The following DST variants were observed in gnomAD, a reference collection of about 807,000 sequenced individuals.
DST encodes the protein dystonin, also known as bullous pemphigoid antigen.
In DST, 253 loss-of-function variants were observed where a neutral mutation model predicts 875.2. The ratio of observed to expected loss-of-function variants is 0.29; its 90% CI spans 0.26 to 0.32. The LOEUF (loss-of-function observed/expected upper bound fraction) is 0.32. Among genes scored for constraint, DST ranks in the 10% least tolerant of loss-of-function variants. The pLI is 1.00. For synonymous variants in DST, 3,124 were observed against 3,197.1 expected (o/e 0.98, Z 0.77); for missense variants, 8,287 against 9,111.6 (o/e 0.91, Z 3.68).
intron 102 of DST, among the ~76,000 whole-genome samples, chr6:56,462,374 TA>T (rs147169486): frequency 0.017 from 2,606 of 152,242 alleles, 31 homozygotes; most frequent in Non-Finnish European, 0.024. Flanking sequence ...CATGCCGTAT[TA>T]AAAAGTTAGA....
intron 5 of DST, among the ~76,000 whole-genome samples, chr6:56,722,432 G>T (rs149168973): frequency 0.015 from 2,320 of 152,182 alleles, 56 homozygotes; most frequent in African/African-American, 0.053. Context: ...CACCCAGGCT[G>T]GAGTGCAGTG....
chr6:56,796,285 G>A (rs955160109), intron 4 of DST, among the ~76,000 whole-genome samples: 11 of 152,320 alleles, frequency 7.2e-5, no homozygotes, highest in African/African-American at 2.6e-4. Context: ...GGAAAGTCAT[G>A]CAAGAAAGAA....
At chr6:56,562,070 TA>T in intron 56 of DST, 67 bp downstream of exon 56, 2 of 1,035,822 alleles carry the variant, frequency 1.9e-6, no homozygotes, top group South Asian at 1.8e-5. Context: ...TGTTTGCCTC[TA>T]AGATTTTCTC....
intron 98 of DST, 47 bp downstream of exon 98, chr6:56,468,935 A>G (rs928688021): frequency 7.2e-7 from 1 of 1,381,302 alleles, no homozygotes; most frequent in Non-Finnish European, 9.9e-7. Flanking sequence ...AATTAAAGTT[A>G]AAAAAAAATC....
chr6:56,746,282 G>C (rs1231223201), intron 4 of DST, among the ~76,000 whole-genome samples: 1 of 152,068 alleles, frequency 6.6e-6, no homozygotes, highest in Non-Finnish European at 1.5e-5. Flanking sequence ...CACCTCACTC[G>C]GCCACAAAGA....
chr6:56,527,665 A>G lies in DST; in HGVS notation c.17750T>C (p.Leu5917Pro). The change falls in exon 68 of 104, where the codon CTG (leucine) becomes CCG (proline). Residue 5917 changes from leucine to proline, a missense_variant. Around this residue, in one of 10 missense-constraint regions of DST, gnomAD observed 777 missense variants for 764.8 expected, o/e 1.02. Coordinates refer to ENST00000680361, the MANE Select transcript of DST (RefSeq NM_001374736.1). ...CAGAGTCTTGGCCACATCAGTGCTCAGTTTAGTAATGTCTTTGTACCTTGC... is the reference window on the plus strand; with the variant it reads ...CAGAGTCTTGGCCACATCAGTGCTCGGTTTAGTAATGTCTTTGTACCTTGC... ...IKARYKDITK[L>P]STDVAKTLEQ... The G allele has an allele frequency of 2.5e-6, 4 of 1,613,774 alleles. No individual in the cohort carries two copies. The highest frequency in any genetic ancestry group is 3.4e-6 in the Non-Finnish European group (4 of 1,179,818).
chr6:56,563,771 G>A (rs1323617242), intron 55 of DST, among the ~76,000 whole-genome samples: 2 of 152,098 alleles, frequency 1.3e-5, no homozygotes, highest in African/African-American at 4.8e-5. Context: ...GTGTAAGGAA[G>A]GGGTCCAGTT....
intron 3 of DST, among the ~76,000 whole-genome samples, chr6:56,866,736 C>G (rs1774316492): frequency 6.6e-6 from 1 of 152,266 alleles, no homozygotes; most frequent in East Asian, 1.9e-4. Flanking sequence ...TCTCCTCCAC[C>G]AGAAAGTAAG....
At chr6:56,760,641 T>C (rs1275962376) in intron 4 of DST, among the ~76,000 whole-genome samples, 1 of 152,212 alleles carries the variant, frequency 6.6e-6, no homozygotes, top group African/African-American at 2.4e-5. Flanking sequence ...TGGCTGAAAA[T>C]GCATCCTTGA....
In DST at chr6:56,561,873, T is replaced by C. The variant is rs1358381840; in HGVS notation, c.14068+265A>G. ...TTAGGTCAAATAACGTTATCCCAAG[T>C]GACAAAATATCTCAAATTAACCAAA... On this transcript the variant is annotated intron_variant, in intron 56 of 103. Coordinates refer to ENST00000680361, the MANE Select transcript of DST (RefSeq NM_001374736.1). Among the ~76,000 whole-genome samples, 4 of 152,102 alleles carry C rather than the reference T, an allele frequency of 2.6e-5. No individual in the cohort carries two copies. The East Asian group carries it at 7.7e-4, about 29-fold the overall frequency.
chr6:56,648,832 C>A (rs2098958902), intron 12 of DST, 143 bp from the exon 13 acceptor site: 1 of 709,284 alleles, frequency 1.4e-6, no homozygotes, highest in African/African-American at 1.8e-5. Context: ...CTTACTTTCA[C>A]CCAGCCCCAA....
At chr6:56,800,877 A>G (rs2099745840) in intron 4 of DST, among the ~76,000 whole-genome samples, 1 of 151,908 alleles carries the variant, frequency 6.6e-6, no homozygotes, top group African/African-American at 2.4e-5. Flanking sequence ...AAAATTAGCC[A>G]GGCATGGTGG....
At chr6:56,476,713 T>C (rs1300809674) in intron 91 of DST, among the ~76,000 whole-genome samples, 4 of 152,136 alleles carry the variant, frequency 2.6e-5, no homozygotes, top group Admixed American at 1.3e-4. Context: ...TCCCAGCACT[T>C]TGGGAGGCCG....
intron 102 of DST, among the ~76,000 whole-genome samples, 155 bp downstream of exon 102, chr6:56,462,891 A>C (rs1370044642): frequency 6.6e-6 from 1 of 152,204 alleles, no homozygotes; most frequent in Non-Finnish European, 1.5e-5. Context: ...CACATCTTCC[A>C]AGAACTGCTC....
chr6:56,819,174 T>C (rs1230282656), intron 4 of DST, among the ~76,000 whole-genome samples: 2 of 152,206 alleles, frequency 1.3e-5, no homozygotes, highest in Non-Finnish European at 1.5e-5. Context: ...ATACATTTTA[T>C]TATTTCTCAA....
At position 56,593,859 on chromosome 6, in the gene DST, T is replaced by A; in HGVS notation, c.12530A>T (p.Gln4177Leu). The change falls in exon 48 of 104, where the codon CAG becomes CTG. Residue 4177 changes from glutamine (Q) to leucine (L), a missense_variant. This residue lies in a region of DST where 1,513 missense variants were observed against 1,677.8 expected (regional missense o/e 0.90). Coordinates refer to ENST00000680361, the MANE Select transcript of DST (RefSeq NM_001374736.1). The part of the protein sequence containing the change: ...INGLMTKLKR[Q>L]KSFSEDVISH... Reference sequence around the variant, plus strand: ...AATAACGTCTTCTGAGAAACTCTTCTGCCTCTTCAATTTGGTCATTAAACC... The same window carrying A: ...AATAACGTCTTCTGAGAAACTCTTCAGCCTCTTCAATTTGGTCATTAAACC... The A allele has an allele frequency of 2.5e-6, 4 of 1,613,984 alleles. No homozygotes were observed. The highest frequency in any genetic ancestry group is 3.4e-6 in the Non-Finnish European group (4 of 1,179,880).
rs34720092 is a variant in DST, at chr6:56,887,953, C to CT, written c.417+12467dup. 3.0e-3 allele frequency among the ~76,000 whole-genome samples: 421 copies of CT among 139,426 alleles called. 1 individual carries two copies. The highest frequency in any genetic ancestry group is 4.6e-3 in the African/African-American group (174 of 38,062). The allele number at this position is 139,426 out of a possible 152,430, so 91.5% of individuals were successfully genotyped here. ...ATAGCAAGCCTATAATAAATGAAAT[C>CT]TTTTTTTTTTTTTTTTGAGATGGAG... On this transcript the variant is annotated intron_variant, in intron 3 of 103. Transcript: ENST00000680361.
In DST at chr6:56,528,785, T is replaced by C; in HGVS notation, c.17680+56A>G. On this transcript the variant is annotated intron_variant, in intron 67 of 103. Coordinates refer to ENST00000680361, the MANE Select transcript of DST (RefSeq NM_001374736.1). ...GGTTTTTTCCCATCCCTAAAATATT[T>C]TGAAAACAATATAAAATGCTGACCA... 3.2e-6 allele frequency: 4 copies of C among 1,259,548 alleles called. No homozygotes were observed. The South Asian group carries it at 5.6e-5, about 17-fold the overall frequency. The allele number at this position is 1,259,548 out of a possible 1,614,324, so 78.0% of individuals were successfully genotyped here. A position where few individuals can be genotyped will look rare whatever the true frequency, so the allele number is the denominator to read the frequency against.
At chr6:56,881,095 C>T (rs981427844) in intron 3 of DST, among the ~76,000 whole-genome samples, 6 of 151,904 alleles carry the variant, frequency 3.9e-5, no homozygotes, top group Non-Finnish European at 8.8e-5. Context: ...ATGATCCACC[C>T]GCCTCGGTCT....
Sources: gnomAD v4.1 joint callset for allele counts (sites outside exome capture counted in the v4.1 genomes callset) on GRCh38, gnomAD v4.1.1 for gene constraint, gnomAD v4.1.1 regional missense constraint, MANE v1.5 for transcripts, NCBI Gene and HGNC (gene_info 2026-07-23, HGNC 2026-07-21) for gene names.